The following ANKRD44 variants were observed in gnomAD, a reference collection of about 807,000 sequenced individuals.
ANKRD44 encodes the protein serine/threonine-protein phosphatase 6 regulatory ankyrin repeat subunit B.
Under a neutral mutation model 116.0 loss-of-function variants are expected in ANKRD44, and 35 were observed. The ratio of observed to expected loss-of-function variants is 0.30; its 90% CI spans 0.23 to 0.40. The LOEUF (loss-of-function observed/expected upper bound fraction) is 0.40. Ranked by LOEUF, ANKRD44 falls within the 10% of genes least tolerant of loss-of-function variation. The probability of loss-of-function intolerance (pLI) is 1.00; values close to 1 mark genes in which losing one functional copy is unlikely to be tolerated. For missense variants in ANKRD44, 1,014 were observed against 1,242.6 expected (o/e 0.82, Z 2.77); for synonymous variants, 435 against 461.8 (o/e 0.94, Z 0.74).
In ANKRD44 at chr2:197,257,287, ATATT is replaced by A. The variant is rs149058062; in HGVS notation, c.27+53287_27+53290del. Among the ~76,000 whole-genome samples the A allele has an allele frequency of 1.9e-3, 288 of 152,326 alleles. 1 individual carries two copies. The highest frequency in any genetic ancestry group is 6.2e-3 in the African/African-American group (257 of 41,564). On this transcript the variant is annotated intron_variant, in intron 1 of 27. Transcript: ENST00000282272. ...ATGTAGACCCACCTGGGAAAGCTAAATATTTACCAGTTCAGTTTGGTATGACAGT... is the reference window on the plus strand; with the variant it reads ...ATGTAGACCCACCTGGGAAAGCTAAATACCAGTTCAGTTTGGTATGACAGT...
downstream of ANKRD44, among the ~76,000 whole-genome samples, chr2:196,981,798 A>AT (rs2075802766): frequency 6.6e-6 from 1 of 151,924 alleles, no homozygotes; most frequent in Admixed American, 6.6e-5. Flanking sequence ...AATAATAATA[A>AT]AATAAATACA....
chr2:197,098,920 C>T (rs776954663), intron 10 of ANKRD44, among the ~76,000 whole-genome samples: 1 of 152,156 alleles, frequency 6.6e-6, no homozygotes, highest in Non-Finnish European at 1.5e-5. Context: ...CCCAACCACC[C>T]TGGGTCCTGC....
chr2:197,094,775 C>T (rs535839184), intron 10 of ANKRD44, among the ~76,000 whole-genome samples: 21 of 152,304 alleles, frequency 1.4e-4, no homozygotes, highest in Non-Finnish European at 2.2e-4. Flanking sequence ...TTTATCTATG[C>T]AATTCCAAGT....
intron 1 of ANKRD44, among the ~76,000 whole-genome samples, chr2:197,262,527 T>C (rs1437546666): frequency 6.6e-6 from 1 of 152,240 alleles, no homozygotes; most frequent in Non-Finnish European, 1.5e-5. Context: ...CTAACGGAAA[T>C]TCCACGTAAA....
At chr2:197,228,616 T>TTGG (rs1277441932) in intron 1 of ANKRD44, among the ~76,000 whole-genome samples, 1 of 152,066 alleles carries the variant, frequency 6.6e-6, no homozygotes, top group African/African-American at 2.4e-5. Flanking sequence ...GAAGCAGGAG[T>TTGG]TGGTCCCCTT....
chr2:197,114,410 G>C (rs564848031), intron 8 of ANKRD44, among the ~76,000 whole-genome samples: 1 of 152,244 alleles, frequency 6.6e-6, no homozygotes, highest in South Asian at 2.1e-4. Flanking sequence ...CAAGCCCTAA[G>C]TCATAAAGGA....
intron 7 of ANKRD44, 145 bp downstream of exon 7, chr2:197,122,505 A>G: frequency 1.0e-6 from 1 of 978,652 alleles, no homozygotes; most frequent in Non-Finnish European, 1.5e-6. Flanking sequence ...GCCCTTCATC[A>G]GTTGCCCACA....
intron 2 of ANKRD44, among the ~76,000 whole-genome samples, chr2:197,162,096 T>C (rs2079980481): frequency 6.6e-6 from 1 of 152,226 alleles, no homozygotes. Flanking sequence ...CCCATTACTA[T>C]TCGTGATCCA....
In ANKRD44 at chr2:197,187,100, A is replaced by G; in HGVS notation, c.34T>C (p.Leu12=). ...AVLKLTDQPP[L]VQAIFSGDPE... Reference sequence around the variant, plus strand: ...TCACCGCTGAAGATTGCCTGAACCAATGGTGGCTGCAAACACAAGAGAATG... The same window carrying G: ...TCACCGCTGAAGATTGCCTGAACCAGTGGTGGCTGCAAACACAAGAGAATG... The change falls in exon 2 of 28, where the codon TTG becomes CTG. Residue 12 remains leucine, a synonymous_variant. Transcript: ENST00000282272. The G allele has an allele frequency of 1.2e-6, 2 of 1,613,974 alleles. No individual in the cohort carries two copies. Among genetic ancestry groups the G allele is most frequent in the East Asian group, 2.2e-5 (1 of 44,890 alleles).
At chr2:197,117,771 C>T (rs1045911396) in intron 8 of ANKRD44, among the ~76,000 whole-genome samples, 2 of 152,194 alleles carry the variant, frequency 1.3e-5, no homozygotes, top group Non-Finnish European at 2.9e-5. Flanking sequence ...CCTTCAGTCC[C>T]GTTCCCCTGT....
At chr2:197,122,918 G>T in intron 6 of ANKRD44, 126 bp from the exon 7 acceptor site, 1 of 1,163,458 alleles carries the variant, frequency 8.6e-7, no homozygotes, top group Non-Finnish European at 1.2e-6. Flanking sequence ...TTTGTAAAAA[G>T]CTGGTTCATG....
At position 197,013,454 on chromosome 2, in the gene ANKRD44, T is replaced by C. The variant is rs948870434; in HGVS notation, c.1924+57A>G. 5.1e-6 allele frequency: 8 copies of C among 1,564,256 alleles called. No individual in the cohort carries two copies. In the African/African-American group the frequency reaches 8.2e-5, roughly 16 times the overall value. ...GAAAGAAGATGCTGCTTTCCTTCTA[T>C]TAAAACTTACGAACAAGCCACAAAA... is the stretch of plus-strand genomic sequence containing the variant. On this transcript the variant is annotated intron_variant, in intron 18 of 27. Transcript: ENST00000282272.
chr2:197,091,954 C>A (rs2078052540), intron 10 of ANKRD44, among the ~76,000 whole-genome samples: 1 of 152,080 alleles, frequency 6.6e-6, no homozygotes, highest in Non-Finnish European at 1.5e-5. Flanking sequence ...ACTTTATAGA[C>A]CGACCCCCAC....
At chr2:197,292,948 G>C (rs2083613680) in intron 1 of ANKRD44, among the ~76,000 whole-genome samples, 1 of 152,256 alleles carries the variant, frequency 6.6e-6, no homozygotes, top group Non-Finnish European at 1.5e-5. Context: ...CTTGACTGGA[G>C]AAGTTGTCCC....
At chr2:197,111,369 G>A (rs1007295685) in intron 8 of ANKRD44, among the ~76,000 whole-genome samples, 1 of 152,194 alleles carries the variant, frequency 6.6e-6, no homozygotes, top group South Asian at 2.1e-4. Context: ...GAGGCCGGTC[G>A]TGGTGGCTCA....
At chr2:197,257,448 C>T (rs759621789) in intron 1 of ANKRD44, among the ~76,000 whole-genome samples, 8 of 150,270 alleles carry the variant, frequency 5.3e-5, no homozygotes, top group Admixed American at 2.6e-4. Context: ...TATAAAACTT[C>T]GGGGAAAAAA....
Position 197,022,830 on chromosome 2 carries a change from C to G in ANKRD44, c.1722+2366G>C, listed in dbSNP as rs1422166986. Among the ~76,000 whole-genome samples the G allele has an allele frequency of 2.6e-5, 4 of 152,164 alleles. No individual in the cohort carries two copies. In the East Asian group the frequency reaches 7.7e-4, roughly 29 times the overall value. ...CCTGGGCAACACAGTGAGACCCCAC[C>G]TCTTAAATAAATAAATAAGCACCCT... is the stretch of plus-strand genomic sequence containing the variant. On this transcript the variant is annotated intron_variant, in intron 17 of 27. Transcript: ENST00000282272.
rs572903216 is a variant in ANKRD44, at chr2:197,083,321, A to G, written c.1457+48T>C. On this transcript the variant is annotated intron_variant, in intron 14 of 27. Coordinates refer to ENST00000282272, the MANE Select transcript of ANKRD44 (RefSeq NM_001195144.2). ...GAAAACTTAGCAATCCTTCCCCACC[A>G]CTCCCCAACCCTGTTCCCAGAGGAA... 3.9e-6 allele frequency: 6 copies of G among 1,547,930 alleles called. No individual in the cohort carries two copies. In the East Asian group the frequency reaches 1.4e-4, roughly 36 times the overall value.
intron 27 of ANKRD44, chr2:196,991,053 G>T: frequency 1.2e-6 from 1 of 866,982 alleles, no homozygotes; most frequent in Non-Finnish European, 1.5e-6. Context: ...ATCATGCCAG[G>T]TAAAACGAGG....
Sources: allele counts gnomAD v4.1 joint callset (sites outside exome capture counted in the v4.1 genomes callset), GRCh38; gene constraint gnomAD v4.1.1; transcripts MANE v1.5; gene names NCBI Gene and HGNC (gene_info 2026-07-23, HGNC 2026-07-21).